FEV: variants seen among roughly 807,000 people sequenced by gnomAD.
The protein encoded by FEV is protein FEV.
FEV carries 14 observed loss-of-function variants against 20.5 expected under a neutral mutation model. The ratio of observed to expected loss-of-function variants is 0.68; its 90% CI spans 0.45 to 1.07. The LOEUF is 1.07. Ranked by LOEUF, FEV falls within the 50% of genes least tolerant of loss-of-function variation. The probability of loss-of-function intolerance (pLI) is 0.00; values close to 1 mark genes in which losing one functional copy is unlikely to be tolerated. For synonymous variants in FEV, 188 were observed against 163.7 expected (o/e 1.15, Z -1.13); for missense variants, 301 against 345.3 (o/e 0.87, Z 1.02).
chr2:218,984,782 G>A lies in FEV; in HGVS notation c.52+242C>T, dbSNP rs545642675. Among the ~76,000 whole-genome samples, 6 of 152,120 alleles carry A rather than the reference G, an allele frequency of 3.9e-5. No individual in the cohort carries two copies. The highest frequency in any genetic ancestry group is 1.4e-4 in the African/African-American group (6 of 41,512). ...GGCTCCTTCGGGTCCCTGAGTCCCG[G>A]CTCTTGGCCCCCAGGCTCCCAATCT... On this transcript the variant is annotated intron_variant, in intron 1 of 2. Transcript: ENST00000295727. The surrounding 1 kb of genome is among the most constrained non-coding windows in gnomAD (Gnocchi z 5.0).
chr2:218,984,781 G>A lies in FEV; in HGVS notation c.52+243C>T, dbSNP rs1219589049. 6.6e-6 allele frequency among the ~76,000 whole-genome samples: 1 copy of A among 152,122 alleles called. No homozygotes were observed. The highest frequency in any genetic ancestry group is 1.5e-5 in the Non-Finnish European group (1 of 68,022). On this transcript the variant is annotated intron_variant, in intron 1 of 2. Transcript: ENST00000295727. This position sits in a 1 kb window ranked among gnomAD's most constrained non-coding sequence, Gnocchi z 5.0. Reference sequence around the variant, plus strand: ...AGGCTCCTTCGGGTCCCTGAGTCCCGGCTCTTGGCCCCCAGGCTCCCAATC... The same window carrying A: ...AGGCTCCTTCGGGTCCCTGAGTCCCAGCTCTTGGCCCCCAGGCTCCCAATC...
Position 218,984,390 on chromosome 2 carries a change from G to A in FEV, c.53-85C>T, listed in dbSNP as rs1331103727. ...AAAGGGCCCCGGGCCAAGGCTTAAG[G>A]GGGGTGCTGTGGTCCCCAGGCGCGA... On this transcript the variant is annotated intron_variant, in intron 1 of 2. Coordinates refer to ENST00000295727, the MANE Select transcript of FEV (RefSeq NM_017521.3). The surrounding 1 kb of genome is among the most constrained non-coding windows in gnomAD (Gnocchi z 5.0). 3 of 1,348,394 alleles carry A rather than the reference G, an allele frequency of 2.2e-6. No individual in the cohort carries two copies. Among genetic ancestry groups the A allele is most frequent in the African/African-American group, 1.5e-5 (1 of 67,834 alleles). The allele number at this position is 1,348,394 out of a possible 1,614,324, so 83.5% of individuals were successfully genotyped here.
In FEV at chr2:218,981,853, T is replaced by C; in HGVS notation, c.531A>G (p.Lys177=). 10 of 1,231,344 alleles carry C rather than the reference T, an allele frequency of 8.1e-6. No individual in the cohort carries two copies. Among genetic ancestry groups the C allele is most frequent in the Non-Finnish European group, 1.0e-5 (10 of 993,378 alleles). 76.3% of individuals were successfully genotyped at this position (1,231,344 alleles called of 1,614,324 possible). Residue 177 remains lysine (K), a synonymous_variant, in exon 3 of 3, where the codon AAA becomes AAG. Coordinates refer to ENST00000295727, the MANE Select transcript of FEV (RefSeq NM_017521.3). This position sits in a 1 kb window ranked among gnomAD's most constrained non-coding sequence, Gnocchi z 4.5. ...CGGCCGAGGCGGCCATGAGGTTGAGTTTGGAGAGGCCGGGGAAGGGCAGCG... is the reference window on the plus strand; with the variant it reads ...CGGCCGAGGCGGCCATGAGGTTGAGCTTGGAGAGGCCGGGGAAGGGCAGCG... ...LAPLPFPGLS[K]LNLMAASAGV...
rs981071842 is a variant in FEV at position 218,984,011 on chromosome 2, G to A, written c.127+220C>T. Among the ~76,000 whole-genome samples the A allele has an allele frequency of 2.6e-5, 4 of 152,198 alleles. No individual in the cohort carries two copies. Among genetic ancestry groups the A allele is most frequent in the Non-Finnish European group, 5.9e-5 (4 of 68,034 alleles). On this transcript the variant is annotated intron_variant, in intron 2 of 2. Coordinates refer to ENST00000295727, the MANE Select transcript of FEV (RefSeq NM_017521.3). The surrounding 1 kb of genome is among the most constrained non-coding windows in gnomAD (Gnocchi z 5.0). ...CAGCAGCAAAAGGGCCTGGGGCTGG[G>A]ATCCTCTCCATCTGCCTTGGCCTGC... is the stretch of plus-strand genomic sequence containing the variant.
Position 218,985,174 on chromosome 2 carries a change from C to G in FEV, c.-99G>C. On this transcript the variant is annotated 5_prime_UTR_variant, in exon 1 of 3. Transcript: ENST00000295727. ...CACCGATCCCCGCCCGAAGCGACCG[C>G]GGGTGACAAGGAGGAGAAGACGGCG... The G allele has an allele frequency of 1.1e-6, 1 of 910,884 alleles. No individual in the cohort carries two copies. 56.4% of individuals were successfully genotyped at this position (910,884 alleles called of 1,614,324 possible). A position where few individuals can be genotyped will look rare whatever the true frequency, so the allele number is the denominator to read the frequency against.
rs758386421 is a variant in FEV at position 218,981,974 on chromosome 2, G to C, written c.410C>G (p.Pro137Arg). The change falls in exon 3 of 3, where the codon CCG becomes CGG. Residue 137 changes from proline to arginine, a missense_variant. Physicochemically the swap from Pro to Arg is moderately radical, Grantham distance 103 (BLOSUM62 -2). Transcript: ENST00000295727. This position sits in a 1 kb window ranked among gnomAD's most constrained non-coding sequence, Gnocchi z 4.5. ...GGCGGCATGAGCGTGCGCGGGCGGCGGCTGGCAGGCCTGCGCCAGGCCCTG... is the reference window on the plus strand; with the variant it reads ...GGCGGCATGAGCGTGCGCGGGCGGCCGCTGGCAGGCCTGCGCCAGGCCCTG... ...DFQGLAQACQ[P>R]PPAHAHAAAA... is the part of the protein sequence containing the mutation. 1 of 1,566,356 alleles carries C rather than the reference G, an allele frequency of 6.4e-7. No individual in the cohort carries two copies. The highest frequency in any genetic ancestry group is 1.9e-5 in the Admixed American group (1 of 53,512).
rs1042403739 is a variant in FEV at position 218,985,038 on chromosome 2, T to C, written c.38A>G (p.Asn13Ser). Residue 13 changes from asparagine (N) to serine (S), a missense_variant, in exon 1 of 3, where the codon AAC becomes AGC. By Grantham distance (46) the Asn-to-Ser change is conservative (BLOSUM62 1). Transcript: ENST00000295727. Reference protein sequence around the residue: ...QSGASQPLLINMYLPDPVGDG... With the variant: ...QSGASQPLLISMYLPDPVGDG... ...GTCCCTGGTACCTGGCAGGTACATG[T>C]TGATCAGCAGGGGCTGGGAGGCGCC... 2 of 1,559,330 alleles carry C rather than the reference T, an allele frequency of 1.3e-6. No homozygotes were observed. Among genetic ancestry groups the C allele is most frequent in the African/African-American group, 2.7e-5 (2 of 73,340 alleles).
chr2:218,984,934 C>A lies in FEV; in HGVS notation c.52+90G>T. Reference sequence around the variant, plus strand: ...CCGAATCTCCGGACACTTCTCCTTCCCCTGGACCCCAGCACTCTCTTCCCA... The same window carrying A: ...CCGAATCTCCGGACACTTCTCCTTCACCTGGACCCCAGCACTCTCTTCCCA... On this transcript the variant is annotated intron_variant, in intron 1 of 2. Transcript: ENST00000295727. This position sits in a 1 kb window ranked among gnomAD's most constrained non-coding sequence, Gnocchi z 5.0. 1 of 1,224,262 alleles carries A rather than the reference C, an allele frequency of 8.2e-7. No individual in the cohort carries two copies. Among genetic ancestry groups the A allele is most frequent in the Non-Finnish European group, 1.2e-6 (1 of 849,814 alleles). 75.8% of individuals were successfully genotyped at this position (1,224,262 alleles called of 1,614,324 possible).
Position 218,981,606 on chromosome 2 carries a change from C to T in FEV, c.*61G>A. The T allele has an allele frequency of 8.2e-7, 1 of 1,218,816 alleles. No individual in the cohort carries two copies. The highest frequency in any genetic ancestry group is 3.3e-5 in the South Asian group (1 of 30,072). The allele number at this position is 1,218,816 out of a possible 1,614,324, so 75.5% of individuals were successfully genotyped here. ...GGCTCCCGGGCCCTCCCCGGGATGC[C>T]GATGGGATCGGGCGAGACTCTAGGC... On this transcript the variant is annotated 3_prime_UTR_variant, in exon 3 of 3. Coordinates refer to ENST00000295727, the MANE Select transcript of FEV (RefSeq NM_017521.3). This position sits in a 1 kb window ranked among gnomAD's most constrained non-coding sequence, Gnocchi z 4.5.
chr2:218,984,111 CA>C lies in FEV; in HGVS notation c.127+119del. On this transcript the variant is annotated intron_variant, in intron 2 of 2. Coordinates refer to ENST00000295727, the MANE Select transcript of FEV (RefSeq NM_017521.3). This position sits in a 1 kb window ranked among gnomAD's most constrained non-coding sequence, Gnocchi z 5.0. ...TGTCTTCCCAAGGCCTCCGCACAAC[CA>C]GGCCAGGACTCCGGGCTTCAGTGTG... The C allele has an allele frequency of 2.1e-6, 2 of 965,472 alleles. No individual in the cohort carries two copies. The highest frequency in any genetic ancestry group is 3.0e-6 in the Non-Finnish European group (2 of 664,958). 59.8% of individuals were successfully genotyped at this position (965,472 alleles called of 1,614,324 possible).
At chr2:218,982,406 G>GC (rs1945399352) in intron 2 of FEV, 150 bp from the exon 3 acceptor site, 3 of 737,558 alleles carry the variant, frequency 4.1e-6, no homozygotes, top group Non-Finnish European at 6.5e-6. Flanking sequence ...GGCGGGAGAG[G>GC]CCGGCCCCGG....
In FEV at chr2:218,982,182, A is replaced by G; in HGVS notation, c.202T>C (p.Trp68Arg). ...TTGAACTCGCCGTGACCGCCCTCCC[A>G]CGCGATGCAGCCGGCGTTCGCGCGG... Reference protein sequence around the residue: ...ADRANAGCIAWEGGHGEFKLT... With the variant: ...ADRANAGCIAREGGHGEFKLT... The change falls in exon 3 of 3, where the codon TGG becomes CGG. Residue 68 changes from tryptophan (W) to arginine (R), a missense_variant. Trp to Arg is a moderately radical substitution (Grantham distance 101). Transcript: ENST00000295727. 1.2e-6 allele frequency: 2 copies of G among 1,612,310 alleles called. No individual in the cohort carries two copies. Among genetic ancestry groups the G allele is most frequent in the Non-Finnish European group, 1.7e-6 (2 of 1,179,492 alleles).
chr2:218,982,963 G>A (rs904822806), intron 2 of FEV, among the ~76,000 whole-genome samples: 1 of 152,220 alleles, frequency 6.6e-6, no homozygotes, highest in South Asian at 2.1e-4. Flanking sequence ...AGCCACCTTC[G>A]GGTGCGCAGG....
rs1322507037 is a variant in FEV at position 218,984,704 on chromosome 2, C to T, written c.52+320G>A. Among the ~76,000 whole-genome samples, 1 of 152,128 alleles carries T rather than the reference C, an allele frequency of 6.6e-6. No individual in the cohort carries two copies. The highest frequency in any genetic ancestry group is 2.4e-5 in the African/African-American group (1 of 41,436). ...GCCCGCGGACCACAGCCTTCTGGTACGGCTCGGCCACAGAGTACTCCACCA... is the reference window on the plus strand; with the variant it reads ...GCCCGCGGACCACAGCCTTCTGGTATGGCTCGGCCACAGAGTACTCCACCA... On this transcript the variant is annotated intron_variant, in intron 1 of 2. Coordinates refer to ENST00000295727, the MANE Select transcript of FEV (RefSeq NM_017521.3). The surrounding 1 kb of genome is among the most constrained non-coding windows in gnomAD (Gnocchi z 5.0).
chr2:218,984,222 C>G lies in FEV; in HGVS notation c.127+9G>C, dbSNP rs1387796840. The stretch of plus-strand genomic sequence containing the variant: ...TCGCCTCCGCCGCCCAGCGCGCCGG[C>G]CATCTCACCTTTCTGAACCGCGGGG... On this transcript the variant is annotated intron_variant, in intron 2 of 2. Coordinates refer to ENST00000295727, the MANE Select transcript of FEV (RefSeq NM_017521.3). This position sits in a 1 kb window ranked among gnomAD's most constrained non-coding sequence, Gnocchi z 5.0. The G allele has an allele frequency of 1.0e-5, 16 of 1,587,426 alleles. No homozygotes were observed. Among genetic ancestry groups the G allele is most frequent in the Non-Finnish European group, 1.2e-5 (14 of 1,167,086 alleles).
Position 218,981,658 on chromosome 2 carries a change from C to A in FEV, c.*9G>T. ...TGCGGGCGAGGCCGCAGGCACCCGA[C>A]CGCCCCGTCTAGTGGTAATGGCCCC... On this transcript the variant is annotated 3_prime_UTR_variant, in exon 3 of 3. Coordinates refer to ENST00000295727, the MANE Select transcript of FEV (RefSeq NM_017521.3). This position sits in a 1 kb window ranked among gnomAD's most constrained non-coding sequence, Gnocchi z 4.5. 7.7e-7 allele frequency: 1 copy of A among 1,302,396 alleles called. No individual in the cohort carries two copies. The highest frequency in any genetic ancestry group is 9.7e-7 in the Non-Finnish European group (1 of 1,030,678). 80.7% of individuals were successfully genotyped at this position (1,302,396 alleles called of 1,614,324 possible).
chr2:218,981,616 G>A lies in FEV; in HGVS notation c.*51C>T, dbSNP rs907559046. The A allele has an allele frequency of 1.1e-5, 14 of 1,247,148 alleles. No homozygotes were observed. The highest frequency in any genetic ancestry group is 1.4e-5 in the Non-Finnish European group (14 of 989,516). 77.3% of individuals were successfully genotyped at this position (1,247,148 alleles called of 1,614,324 possible). A position where few individuals can be genotyped will look rare whatever the true frequency, so the allele number is the denominator to read the frequency against. ...CCCTCCCCGGGATGCCGATGGGATCGGGCGAGACTCTAGGCGTGCGGGCGA... is the reference window on the plus strand; with the variant it reads ...CCCTCCCCGGGATGCCGATGGGATCAGGCGAGACTCTAGGCGTGCGGGCGA... On this transcript the variant is annotated 3_prime_UTR_variant, in exon 3 of 3. Transcript: ENST00000295727. This position sits in a 1 kb window ranked among gnomAD's most constrained non-coding sequence, Gnocchi z 4.5.
chr2:218,984,180 C>A lies in FEV; in HGVS notation c.127+51G>T. 6.5e-7 allele frequency: 1 copy of A among 1,541,766 alleles called. No homozygotes were observed. The highest frequency in any genetic ancestry group is 1.2e-5 in the South Asian group (1 of 83,634). On this transcript the variant is annotated intron_variant, in intron 2 of 2. Coordinates refer to ENST00000295727, the MANE Select transcript of FEV (RefSeq NM_017521.3). This position sits in a 1 kb window ranked among gnomAD's most constrained non-coding sequence, Gnocchi z 5.0. ...GCTCCCACCTACTGTCCGCCTGTGC[C>A]CTGACCCCAACCAACCTCGCCTCCG...
In FEV at chr2:218,984,958, C is replaced by G; in HGVS notation, c.52+66G>C. On this transcript the variant is annotated intron_variant, in intron 1 of 2. Coordinates refer to ENST00000295727, the MANE Select transcript of FEV (RefSeq NM_017521.3). The surrounding 1 kb of genome is among the most constrained non-coding windows in gnomAD (Gnocchi z 5.0). ...CCCCTGGACCCCAGCACTCTCTTCC[C>G]ATGCCTGAGCCTAGACTTCCCGCCC... 2 of 1,421,198 alleles carry G rather than the reference C, an allele frequency of 1.4e-6. No homozygotes were observed. Among genetic ancestry groups the G allele is most frequent in the Non-Finnish European group, 1.9e-6 (2 of 1,028,636 alleles). The allele number at this position is 1,421,198 out of a possible 1,614,324, so 88.0% of individuals were successfully genotyped here. A position where few individuals can be genotyped will look rare whatever the true frequency, so the allele number is the denominator to read the frequency against.
Sources: gnomAD v4.1 joint callset for allele counts (sites outside exome capture counted in the v4.1 genomes callset) on GRCh38, gnomAD v4.1.1 for gene constraint, Gnocchi (gnomAD v3.1) non-coding constraint, MANE v1.5 for transcripts, NCBI Gene and HGNC (gene_info 2026-07-23, HGNC 2026-07-21) for gene names.